Variants in MGAM observed in about 807,000 individuals in gnomAD.
MGAM encodes the protein maltase-glucoamylase.
A neutral mutation model predicts 358.8 loss-of-function variants in MGAM; 253 were observed. The ratio of observed to expected loss-of-function variants is 0.71; its 90% CI spans 0.64 to 0.78. MGAM has a LOEUF of 0.78. Ranked by LOEUF, MGAM falls within the 30% of genes least tolerant of loss-of-function variation. MGAM has a pLI of 0.00. For synonymous variants in MGAM, 1,105 were observed against 1,227.1 expected (o/e 0.90, Z 2.08); for missense variants, 3,080 against 3,432.6 (o/e 0.90, Z 2.57).
chr7:142,059,661 C>A (rs563105575), intron 32 of MGAM, 61 bp downstream of exon 32: 2 of 1,599,126 alleles, frequency 1.3e-6, no homozygotes. Flanking sequence ...TTGGTGGAGT[C>A]AGAGTTATAC....
chr7:142,021,873 A>G (rs1197705056), intron 6 of MGAM, 136 bp downstream of exon 6: 4 of 866,882 alleles, frequency 4.6e-6, no homozygotes, highest in African/African-American at 1.7e-5. Context: ...TTTACCTTCT[A>G]AAGTATACAT....
At chr7:142,039,908 A>C (rs1808349610) in intron 19 of MGAM, among the ~76,000 whole-genome samples, 1 of 152,138 alleles carries the variant, frequency 6.6e-6, no homozygotes. Context: ...TTTTATGATT[A>C]TTATTATTCC....
rs568157561 is a variant in MGAM, at chr7:142,100,639, G to C, written c.7875-163G>C. The stretch of plus-strand genomic sequence containing the variant: ...TTCATGATATGAAGTCATAGAGCCA[G>C]ACAGAGACAGAATTAGAACTAAGAC... On this transcript the variant is annotated intron_variant, in intron 67 of 70. Transcript: ENST00000475668. 2.6e-5 allele frequency among the ~76,000 whole-genome samples: 4 copies of C among 152,282 alleles called. No individual in the cohort carries two copies. In the South Asian group the frequency reaches 8.3e-4, roughly 32 times the overall value.
In MGAM at chr7:142,088,345, A is replaced by G. The variant is rs1017552053; in HGVS notation, c.6810+1628A>G. Reference sequence around the variant, plus strand: ...CTGGGGCTGGTTTTGAAGATTGGCAAGAACGAGTCAGACTCAGTTCAAGGC... The same window carrying G: ...CTGGGGCTGGTTTTGAAGATTGGCAGGAACGAGTCAGACTCAGTTCAAGGC... On this transcript the variant is annotated intron_variant, in intron 57 of 70. Coordinates refer to ENST00000475668, the MANE Select transcript of MGAM (RefSeq NM_001365693.1). Among the ~76,000 whole-genome samples the G allele has an allele frequency of 2.7e-5, 4 of 146,110 alleles. 1 individual carries two copies. In the Admixed American group the frequency reaches 2.8e-4, roughly 10 times the overall value.
chr7:142,028,841 C>A (rs1807201257), intron 10 of MGAM, among the ~76,000 whole-genome samples: 1 of 151,686 alleles, frequency 6.6e-6, no homozygotes, highest in Non-Finnish European at 1.5e-5. Context: ...CTCAATTTGG[C>A]TGCGAGTCCC....
At chr7:142,097,893 C>T (rs1273572774) in intron 66 of MGAM, among the ~76,000 whole-genome samples, 2 of 152,110 alleles carry the variant, frequency 1.3e-5, no homozygotes, top group Non-Finnish European at 2.9e-5. Context: ...TGGGTGTTCT[C>T]TTTGTGTTAA....
intron 21 of MGAM, among the ~76,000 whole-genome samples, chr7:142,041,953 T>C (rs1244683034): frequency 0.035 from 783 of 22,426 alleles, 23 homozygotes; most frequent in African/African-American, 0.045. Context: ...TATATACATA[T>C]ATATAATATA....
intron 21 of MGAM, among the ~76,000 whole-genome samples, chr7:142,044,360 ATATAT>A (rs1210134250): frequency 5.4e-4 from 73 of 134,868 alleles, no homozygotes; most frequent in South Asian, 2.5e-3. Flanking sequence ...TACACATACG[ATATAT>A]GATATATAAT....
Position 142,045,830 on chromosome 7 carries a change from TA to T in MGAM, c.2499-1954del, listed in dbSNP as rs1412070522. On this transcript the variant is annotated intron_variant, in intron 21 of 70. Coordinates refer to ENST00000475668, the MANE Select transcript of MGAM (RefSeq NM_001365693.1). ...CAATGTATGAATATATGATATATATTATATATACATACAATATGTAATATAT... is the reference window on the plus strand; with the variant it reads ...CAATGTATGAATATATGATATATATTTATATACATACAATATGTAATATAT... 2.7e-4 allele frequency among the ~76,000 whole-genome samples: 32 copies of T among 118,554 alleles called. 5 individuals are homozygous for T. The highest frequency in any genetic ancestry group is 1.1e-3 in the African/African-American group (32 of 28,778). 77.8% of individuals were successfully genotyped at this position (118,554 alleles called of 152,430 possible). A position where few individuals can be genotyped will look rare whatever the true frequency, so the allele number is the denominator to read the frequency against.
chr7:142,034,079 C>G (rs1448756550), intron 14 of MGAM, among the ~76,000 whole-genome samples, 183 bp from the exon 15 acceptor site: 3 of 152,160 alleles, frequency 2.0e-5, no homozygotes, highest in Admixed American at 6.5e-5. Context: ...CAGCAGAATT[C>G]ATTTATATAT....
intron 19 of MGAM, among the ~76,000 whole-genome samples, chr7:142,039,466 GGAATGGTGTAAACCATTCATGA>G (rs1013761368): frequency 6.6e-6 from 1 of 151,854 alleles, no homozygotes; most frequent in African/African-American, 2.4e-5. Context: ...CAGAACCAAG[GGAATGGTGTAAACCATTCATGA>G]GAAATCTGCC....
chr7:142,035,695 C>G (rs142074797), intron 16 of MGAM, among the ~76,000 whole-genome samples: 5 of 152,016 alleles, frequency 3.3e-5, no homozygotes, highest in East Asian at 1.9e-4. Flanking sequence ...AGAAATGATG[C>G]TAAAAAGATG....
intron 3 of MGAM, among the ~76,000 whole-genome samples, chr7:142,017,185 C>CT (rs1806038933): frequency 6.6e-6 from 1 of 152,086 alleles, no homozygotes. Context: ...CCCCACAACT[C>CT]TAACAATTTT....
chr7:141,999,114 T>A (rs1294639711), intron 1 of MGAM, among the ~76,000 whole-genome samples: 3 of 152,186 alleles, frequency 2.0e-5, no homozygotes, highest in Admixed American at 6.5e-5. Flanking sequence ...TTTTGTTCAT[T>A]GTTGTGTAGT....
At chr7:142,034,587 T>C (rs1584953891) in intron 15 of MGAM, 83 bp from the exon 16 acceptor site, 2 of 1,293,662 alleles carry the variant, frequency 1.5e-6, no homozygotes, top group East Asian at 4.7e-5. Context: ...TCACTTTTAA[T>C]GTCTTTTGTA....
At chr7:142,048,254 G>A (rs1352055833) in intron 22 of MGAM, among the ~76,000 whole-genome samples, 1 of 151,174 alleles carries the variant, frequency 6.6e-6, no homozygotes, top group East Asian at 2.0e-4. Flanking sequence ...CCAGGCTCAA[G>A]TGATTCTTCT....
intron 3 of MGAM, among the ~76,000 whole-genome samples, chr7:142,009,111 C>T (rs958953037): frequency 6.6e-6 from 1 of 152,134 alleles, no homozygotes. Context: ...TATGTCTCTC[C>T]TCCTTTCAGA....
chr7:142,021,057 C>T lies in MGAM; in HGVS notation c.532C>T (p.Gln178Ter). 2 of 1,611,168 alleles carry T rather than the reference C, an allele frequency of 1.2e-6. No individual in the cohort carries two copies. Among genetic ancestry groups the T allele is most frequent in the Non-Finnish European group, 8.5e-7 (1 of 1,178,346 alleles). ...VDNVLLTAEY[Q>*]TSNRFHFKLT... ...CAATGTTCTTCTCACAGCAGAATATCAGACATCTAATCGTTTCCACTTTAA... is the reference window on the plus strand; with the variant it reads ...CAATGTTCTTCTCACAGCAGAATATTAGACATCTAATCGTTTCCACTTTAA... The change falls in exon 5 of 71, where the codon CAG becomes TAG. Residue 178 changes from glutamine (Q) to a stop codon, truncating the protein, a stop_gained. Transcript: ENST00000475668. LOFTEE classifies it high-confidence loss of function.
chr7:142,068,360 C>CT (rs1431617014), intron 42 of MGAM, among the ~76,000 whole-genome samples: 2 of 144,226 alleles, frequency 1.4e-5, no homozygotes, highest in Non-Finnish European at 3.1e-5. Context: ...TTGTTTGTCT[C>CT]TTTAAGAGTC....
Sources: gnomAD v4.1 joint callset for allele counts (sites outside exome capture counted in the v4.1 genomes callset) on GRCh38, gnomAD v4.1.1 for gene constraint, MANE v1.5 for transcripts, NCBI Gene and HGNC (gene_info 2026-07-23, HGNC 2026-07-21) for gene names.